The following DPH6 variants were observed in gnomAD, a reference collection of about 807,000 sequenced individuals.
DPH6 encodes diphthine--ammonia ligase.
In DPH6, 33 loss-of-function variants were observed where a neutral mutation model predicts 38.2. The observed-to-expected ratio is 0.86, with a 90% CI of 0.65 to 1.15. The LOEUF is 1.15. Ranked by LOEUF, DPH6 falls within the 50% of genes most tolerant of loss-of-function variation. The pLI, the probability that DPH6 is intolerant of heterozygous loss-of-function variation, is 0.00. For synonymous variants in DPH6, 108 were observed against 103.0 expected (o/e 1.05, Z -0.30); for missense variants, 325 against 320.0 (o/e 1.02, Z -0.12).
chr15:35,155,160 A>G, the DPH6 span, among the ~76,000 whole-genome samples: 1 of 152,324 alleles, frequency 6.6e-6, no homozygotes, highest in African/African-American at 2.4e-5. Context: ...GCACAACTAC[A>G]GTGCACATTG....
In DPH6 at chr15:35,392,793, C is replaced by T. The variant is rs146828170; in HGVS notation, c.568-10877G>A. On this transcript the variant is annotated intron_variant, in intron 6 of 8. Transcript: ENST00000256538. ...CTTCTCAAAGTAAATAAAACTTAAGCTGAGTTCTAAAGGATTAAGTTAACC... is the reference window on the plus strand; with the variant it reads ...CTTCTCAAAGTAAATAAAACTTAAGTTGAGTTCTAAAGGATTAAGTTAACC... Among the ~76,000 whole-genome samples, 10 of 152,200 alleles carry T rather than the reference C, an allele frequency of 6.6e-5. No homozygotes were observed. The East Asian group carries it at 1.7e-3, about 26-fold the overall frequency.
chr15:35,221,804 GCTTT>G (rs2051445103), intron 3 of DPH6, among the ~76,000 whole-genome samples: 1 of 152,090 alleles, frequency 6.6e-6, no homozygotes, highest in African/African-American at 2.4e-5. Flanking sequence ...GTTACATTCT[GCTTT>G]CTTTTTAATT....
intron 3 of DPH6, among the ~76,000 whole-genome samples, chr15:35,499,667 T>C (rs1322159072): frequency 2.0e-5 from 3 of 152,106 alleles, no homozygotes; most frequent in African/African-American, 7.2e-5. Context: ...CCAAAATCAT[T>C]AGGACACCAA....
At chr15:35,194,300 A>G in the DPH6 span, among the ~76,000 whole-genome samples, 2 of 152,080 alleles carry the variant, frequency 1.3e-5, no homozygotes, top group Non-Finnish European at 2.9e-5. Context: ...GTTTTGAGCA[A>G]AAGTCAAAGG....
At chr15:35,225,775 A>C (rs1190452646) in intron 3 of DPH6, among the ~76,000 whole-genome samples, 1 of 152,226 alleles carries the variant, frequency 6.6e-6, no homozygotes, top group African/African-American at 2.4e-5. Context: ...TTGAACTAAG[A>C]TTATAACATG....
At chr15:35,521,070 CCA>C (rs1415844599) in intron 3 of DPH6, 1 of 985,016 alleles carries the variant, frequency 1.0e-6, no homozygotes, top group Non-Finnish European at 1.2e-6. Flanking sequence ...TACAAAAGCT[CCA>C]GTTTAACAAG....
At chr15:35,414,663 T>G (rs2053413761) in intron 5 of DPH6, among the ~76,000 whole-genome samples, 1 of 151,732 alleles carries the variant, frequency 6.6e-6, no homozygotes, top group African/African-American at 2.4e-5. Context: ...GCATTTTCTA[T>G]TTTTTTCCTC....
intron 5 of DPH6, among the ~76,000 whole-genome samples, chr15:35,418,072 A>G (rs889991425): frequency 3.3e-5 from 5 of 152,076 alleles, no homozygotes; most frequent in Non-Finnish European, 7.4e-5. Flanking sequence ...TTTTAAATTT[A>G]TTCAATTTAG....
chr15:35,489,733 G>C (rs1274006625), intron 3 of DPH6: 1 of 979,398 alleles, frequency 1.0e-6, no homozygotes. Flanking sequence ...ATTTTTTCTG[G>C]AACAGTATAC....
At chr15:35,437,737 C>G (rs2053735922) in intron 5 of DPH6, among the ~76,000 whole-genome samples, 1 of 152,198 alleles carries the variant, frequency 6.6e-6, no homozygotes, top group Non-Finnish European at 1.5e-5. Flanking sequence ...TTGTTCAACC[C>G]AGGCCAGCAA....
rs1566900790 is a variant in DPH6 at position 35,413,461 on chromosome 15, G to A, written c.506-2565C>T. On this transcript the variant is annotated intron_variant, in intron 5 of 8. Coordinates refer to ENST00000256538, the MANE Select transcript of DPH6 (RefSeq NM_080650.4). The stretch of plus-strand genomic sequence containing the variant: ...TTTCCTTAATATATTTGAAAGCTAT[G>A]TTGTTATATGTGCACAAACTCATAA... 3.3e-5 allele frequency among the ~76,000 whole-genome samples: 5 copies of A among 151,434 alleles called. No homozygotes were observed. In the South Asian group the frequency reaches 1.0e-3, roughly 31 times the overall value.
chr15:35,216,111 A>C (rs934926265), downstream of DPH6, among the ~76,000 whole-genome samples: 2 of 152,252 alleles, frequency 1.3e-5, no homozygotes, highest in Non-Finnish European at 2.9e-5. Context: ...GAGTCAGATT[A>C]GCATGGTAGA....
At chr15:35,194,369 C>CAGAGAGAGAGAGAGAGAGAG in the DPH6 span, among the ~76,000 whole-genome samples, 209 of 144,732 alleles carry the variant, frequency 1.4e-3, no homozygotes, top group African/African-American at 2.8e-3. Flanking sequence ...TTCCTTTTTC[C>CAGAGAGAGAGAGAGAGAGAG]AGAGAGAGAG....
At chr15:35,167,572 TAAAAA>T in the DPH6 span, among the ~76,000 whole-genome samples, 35 of 143,934 alleles carry the variant, frequency 2.4e-4, no homozygotes, top group African/African-American at 4.1e-4. Context: ...GTCTTTTTTT[TAAAAA>T]AAAAAAAAAA....
the DPH6 span, among the ~76,000 whole-genome samples, chr15:35,203,833 A>T: frequency 1.3e-5 from 2 of 151,716 alleles, no homozygotes; most frequent in Non-Finnish European, 3.0e-5. Flanking sequence ...TAGCATTTTG[A>T]TAATGTAACA....
intron 3 of DPH6, among the ~76,000 whole-genome samples, chr15:35,475,057 G>C (rs1438237226): frequency 6.6e-6 from 1 of 151,890 alleles, no homozygotes; most frequent in Admixed American, 6.6e-5. Context: ...CCCTGCATCT[G>C]AATAATGAAG....
At chr15:35,534,215 T>C (rs1369239305) in intron 3 of DPH6, among the ~76,000 whole-genome samples, 3 of 151,622 alleles carry the variant, frequency 2.0e-5, no homozygotes, top group Non-Finnish European at 4.4e-5. Context: ...CCGTCTCAAC[T>C]AAAAATACAA....
At chr15:35,483,051 A>C (rs749939461) in intron 3 of DPH6, among the ~76,000 whole-genome samples, 1 of 152,162 alleles carries the variant, frequency 6.6e-6, no homozygotes, top group Non-Finnish European at 1.5e-5. Context: ...GAATAAGAAT[A>C]TAAATCACTA....
At chr15:35,233,294 A>G (rs1394234100) in intron 3 of DPH6, among the ~76,000 whole-genome samples, 1 of 152,186 alleles carries the variant, frequency 6.6e-6, no homozygotes, top group Non-Finnish European at 1.5e-5. Context: ...AGGCAACAAG[A>G]GCAAAACTCT....
Sources: gnomAD v4.1 joint callset for allele counts (sites outside exome capture counted in the v4.1 genomes callset) on GRCh38, gnomAD v4.1.1 for gene constraint, MANE v1.5 for transcripts, NCBI Gene and HGNC (gene_info 2026-07-23, HGNC 2026-07-21) for gene names.